Variants in L3MBTL4 observed in about 807,000 individuals in gnomAD.
L3MBTL4 encodes L3MBTL histone methyl-lysine binding protein 4.
Under a neutral mutation model 84.5 loss-of-function variants are expected in L3MBTL4, and 70 were observed. The observed-to-expected ratio is 0.83, with a 90% confidence interval of 0.68 to 1.01. The LOEUF (loss-of-function observed/expected upper bound fraction) is 1.01, where lower values mean the gene tolerates loss of function less well. L3MBTL4 is among the 50% of genes least tolerant of loss of function. The probability of loss-of-function intolerance (pLI) is 0.00; values close to 1 mark genes in which losing one functional copy is unlikely to be tolerated. For missense variants in L3MBTL4, 715 were observed against 754.8 expected (o/e 0.95, Z 0.62); for synonymous variants, 274 against 259.8 (o/e 1.05, Z -0.52).
At chr18:6,159,747 TAACA>T (rs146080345) in intron 13 of L3MBTL4, among the ~76,000 whole-genome samples, 2,404 of 152,290 alleles carry the variant, frequency 0.016, 59 homozygotes, top group African/African-American at 0.055. Context: ...TGTCATTTCA[TAACA>T]AACACTTTAT....
In L3MBTL4 at chr18:6,171,863, C is replaced by T. The variant is rs758317024; in HGVS notation, c.1061G>A (p.Cys354Tyr). ...TTCCAGTGGATGCCCTGTGACATCACACCATCCGATCGGGTGGATATCAGG... is the reference window on the plus strand; with the variant it reads ...TTCCAGTGGATGCCCTGTGACATCATACCATCCGATCGGGTGGATATCAGG... ...DSPDIHPIGW[C>Y]DVTGHPLEVP... Residue 354 changes from cysteine to tyrosine, a missense_variant, in exon 13 of 19, where the codon TGT (cysteine) becomes TAT (tyrosine). Transcript: ENST00000317931. 3 of 1,552,760 alleles carry T rather than the reference C, an allele frequency of 1.9e-6. No individual in the cohort carries two copies. The highest frequency in any genetic ancestry group is 3.3e-4 in the Middle Eastern group (2 of 6,012).
intron 16 of L3MBTL4, among the ~76,000 whole-genome samples, chr18:5,994,647 C>G (rs751988806): frequency 6.6e-6 from 1 of 152,114 alleles, no homozygotes; most frequent in African/African-American, 2.4e-5. Flanking sequence ...CTGTACTGCT[C>G]TCTTGGAAAG....
chr18:6,373,376 G>A (rs1183619211), intron 1 of L3MBTL4, among the ~76,000 whole-genome samples: 1 of 152,178 alleles, frequency 6.6e-6, no homozygotes, highest in Non-Finnish European at 1.5e-5. Context: ...CAGGAGTAAA[G>A]TCCCTTCCAT....
intron 16 of L3MBTL4, among the ~76,000 whole-genome samples, chr18:6,077,108 C>A (rs919529359): frequency 6.6e-6 from 1 of 152,174 alleles, no homozygotes; most frequent in South Asian, 2.1e-4. Flanking sequence ...GGCCCAGCTC[C>A]GTCCTGGAGA....
At chr18:6,140,249 A>G (rs559283175) in intron 13 of L3MBTL4, among the ~76,000 whole-genome samples, 1 of 152,186 alleles carries the variant, frequency 6.6e-6, no homozygotes, top group East Asian at 1.9e-4. Context: ...GAGGGGCCAT[A>G]ACCCACTTCC....
At chr18:6,248,046 T>G (rs886149747) in intron 5 of L3MBTL4, among the ~76,000 whole-genome samples, 2 of 152,170 alleles carry the variant, frequency 1.3e-5, no homozygotes, top group Admixed American at 6.5e-5. Flanking sequence ...CATGTACACA[T>G]GTATACCCAT....
At chr18:5,996,506 G>A (rs1397637870) in intron 16 of L3MBTL4, among the ~76,000 whole-genome samples, 1 of 152,250 alleles carries the variant, frequency 6.6e-6, no homozygotes, top group African/African-American at 2.4e-5. Context: ...TGGGCCAGAC[G>A]CCGGGACCAG....
intron 16 of L3MBTL4, among the ~76,000 whole-genome samples, chr18:6,021,580 C>A (rs1293859434): frequency 6.6e-6 from 1 of 152,158 alleles, no homozygotes; most frequent in African/African-American, 2.4e-5. Context: ...CTGCCTTTTG[C>A]GGCCCTCCCT....
At chr18:6,280,389 G>A (rs1258247881) in intron 4 of L3MBTL4, among the ~76,000 whole-genome samples, 1 of 152,138 alleles carries the variant, frequency 6.6e-6, no homozygotes, top group Non-Finnish European at 1.5e-5. Flanking sequence ...GCCCTGACTT[G>A]AATTACAATG....
intron 12 of L3MBTL4, among the ~76,000 whole-genome samples, chr18:6,187,206 T>G (rs1317161244): frequency 2.6e-5 from 4 of 152,200 alleles, no homozygotes; most frequent in African/African-American, 9.6e-5. Context: ...GTAGATGCTG[T>G]TTTTAGCATA....
intron 1 of L3MBTL4, among the ~76,000 whole-genome samples, chr18:6,389,483 C>A (rs1239846933): frequency 6.6e-6 from 1 of 152,052 alleles, no homozygotes; most frequent in Admixed American, 6.5e-5. Context: ...CCTAAATGAT[C>A]CACTTAAAAG....
intron 12 of L3MBTL4, among the ~76,000 whole-genome samples, chr18:6,186,506 A>G (rs2044772094): frequency 6.6e-6 from 1 of 152,192 alleles, no homozygotes; most frequent in South Asian, 2.1e-4. Flanking sequence ...GGGATAAACA[A>G]GAGAAAGAGT....
chr18:6,333,874 A>G (rs992364091), intron 1 of L3MBTL4, among the ~76,000 whole-genome samples: 1 of 152,226 alleles, frequency 6.6e-6, no homozygotes, highest in African/African-American at 2.4e-5. Flanking sequence ...CACTGAACTC[A>G]TCCTTTCTCT....
At chr18:5,968,094 G>A (rs1263650897) in intron 17 of L3MBTL4, among the ~76,000 whole-genome samples, 1 of 152,228 alleles carries the variant, frequency 6.6e-6, no homozygotes, top group East Asian at 1.9e-4. Context: ...GGTGGGCTTT[G>A]GCCTGCCTGT....
At position 6,066,851 on chromosome 18, in the gene L3MBTL4, C is replaced by T. The variant is rs545619532; in HGVS notation, c.1444+14030G>A. Among the ~76,000 whole-genome samples the T allele has an allele frequency of 4.7e-5, 7 of 149,738 alleles. No homozygotes were observed. In the East Asian group the frequency reaches 1.2e-3, roughly 25 times the overall value. On this transcript the variant is annotated intron_variant, in intron 16 of 18. Transcript: ENST00000317931. The stretch of plus-strand genomic sequence containing the variant: ...TTAAGTAGAACACTTAGGCCGTTTA[C>T]GTTCAGCATTATTATTGAGATGTGA...
chr18:6,351,687 G>GACCACAGGCGCCTGCCACC (rs1291076482), intron 1 of L3MBTL4, among the ~76,000 whole-genome samples: 1 of 152,140 alleles, frequency 6.6e-6, no homozygotes, highest in East Asian at 1.9e-4. Context: ...GAGTAGCTGG[G>GACCACAGGCGCCTGCCACC]ACCACAGGCG....
chr18:6,292,147 G>A (rs918281837), intron 4 of L3MBTL4, among the ~76,000 whole-genome samples: 4 of 152,106 alleles, frequency 2.6e-5, no homozygotes, highest in African/African-American at 9.7e-5. Context: ...CATGTAGCAT[G>A]CATCAATTAA....
chr18:6,322,493 G>GGAAGGAAGGAAGGAAT (rs1276267206), intron 1 of L3MBTL4, among the ~76,000 whole-genome samples: 2 of 142,950 alleles, frequency 1.4e-5, no homozygotes, highest in African/African-American at 2.8e-5. Context: ...AAGGAAGGAA[G>GGAAGGAAGGAAGGAAT]GAAGGAAGGA....
intron 1 of L3MBTL4, among the ~76,000 whole-genome samples, chr18:6,355,851 A>C (rs368287678): frequency 3.4e-4 from 51 of 151,786 alleles, no homozygotes; most frequent in African/African-American, 7.7e-4. Flanking sequence ...ATAAAAAAAA[A>C]AAACAAACAA....
Sources: allele counts gnomAD v4.1 joint callset (sites outside exome capture counted in the v4.1 genomes callset), GRCh38; gene constraint gnomAD v4.1.1; transcripts MANE v1.5; gene names NCBI Gene and HGNC (gene_info 2026-07-23, HGNC 2026-07-21).